Variants in PFKFB3 observed in about 807,000 individuals in gnomAD.
PFKFB3 encodes 6-phosphofructo-2-kinase/fructose-2,6-biphosphatase 3, also known as 6-phosphofructo-2-kinase/fructose-2,6-bisphosphatase 3.
PFKFB3 carries 33 observed loss-of-function variants against 68.0 expected under a neutral mutation model. The observed-to-expected ratio is 0.49, with a 90% CI of 0.37 to 0.65. The LOEUF (loss-of-function observed/expected upper bound fraction) is 0.65, where lower values mean the gene tolerates loss of function less well. PFKFB3 is among the 30% of genes least tolerant of loss of function. The pLI, the probability that PFKFB3 is intolerant of heterozygous loss-of-function variation, is 0.00. For synonymous variants in PFKFB3, 315 were observed against 288.2 expected (o/e 1.09, Z -0.94); for missense variants, 586 against 712.2 (o/e 0.82, Z 2.02).
rs1064895 is a variant in PFKFB3 at position 6,234,777 on chromosome 10, A to G, written c.*1835A>G. The G allele has an allele frequency of 6.6e-6, 1 of 152,272 alleles. No homozygotes were observed. The highest frequency in any genetic ancestry group is 2.1e-4 in the South Asian group (1 of 4,818). 9.4% of individuals were successfully genotyped at this position (152,272 alleles called of 1,614,324 possible). On this transcript the variant is annotated 3_prime_UTR_variant, in exon 15 of 15. Coordinates refer to ENST00000379775, the MANE Select transcript of PFKFB3 (RefSeq NM_004566.4). Reference sequence around the variant, plus strand: ...CCCTCGCAGGCCTCATTCTTTGAACATCGACTCTGAAGTTTGATACAGATA... The same window carrying G: ...CCCTCGCAGGCCTCATTCTTTGAACGTCGACTCTGAAGTTTGATACAGATA...
At chr10:6,168,349 C>T (rs642104) in intron 1 of PFKFB3, among the ~76,000 whole-genome samples, 30,769 of 152,194 alleles carry the variant, frequency 0.2, 3,560 homozygotes, top group Non-Finnish European at 0.26. Context: ...TGCCAGTGAG[C>T]GAGGCAGAAC....
At chr10:6,258,947 A>T (rs935827603), downstream of PFKFB3, among the ~76,000 whole-genome samples, 2 of 152,228 alleles carry the variant, frequency 1.3e-5, no homozygotes, top group African/African-American at 4.8e-5. Context: ...ACACTCTATC[A>T]TATATGGTGC....
chr10:6,243,448 G>A (rs1387417330), intron 14 of PFKFB3, among the ~76,000 whole-genome samples: 13 of 152,212 alleles, frequency 8.5e-5, no homozygotes, highest in Non-Finnish European at 2.9e-5. Flanking sequence ...CACAGTGTTC[G>A]CTTTGGAGAC....
chr10:6,268,269 G>A, the PFKFB3 span, among the ~76,000 whole-genome samples: 15 of 152,142 alleles, frequency 9.9e-5, no homozygotes, highest in Non-Finnish European at 1.0e-4. Flanking sequence ...CTTCTTTTTG[G>A]AGATTGCGTA....
chr10:6,177,823 A>G (rs1842573799), intron 1 of PFKFB3, among the ~76,000 whole-genome samples: 1 of 152,118 alleles, frequency 6.6e-6, no homozygotes, highest in Non-Finnish European at 1.5e-5. Context: ...GTGCCTGGCC[A>G]GGATGTTTCT....
the PFKFB3 span, among the ~76,000 whole-genome samples, chr10:6,286,614 A>G: frequency 6.7e-6 from 1 of 148,454 alleles, no homozygotes; most frequent in African/African-American, 2.5e-5. Context: ...CTGACCTCAC[A>G]TGATCTGCCC....
chr10:6,223,076 G>A, intron 11 of PFKFB3, 92 bp downstream of exon 11: 1 of 1,366,028 alleles, frequency 7.3e-7, no homozygotes, highest in South Asian at 1.4e-5. Context: ...GGCCTGCCCT[G>A]TGTTGGCTGC....
the PFKFB3 span, among the ~76,000 whole-genome samples, chr10:6,266,244 T>A: frequency 6.6e-6 from 1 of 152,188 alleles, no homozygotes; most frequent in Non-Finnish European, 1.5e-5. Context: ...TCCTATTATA[T>A]TTAATGAGTT....
chr10:6,225,076 G>C lies in PFKFB3; in HGVS notation c.1341+863G>C, dbSNP rs1845245415. 20 of 454,962 alleles carry C rather than the reference G, an allele frequency of 4.4e-5. 1 individual carries two copies. Among genetic ancestry groups the C allele is most frequent in the South Asian group, 2.9e-4 (19 of 64,476 alleles). 28.2% of individuals were successfully genotyped at this position (454,962 alleles called of 1,614,324 possible). ...GGGGAGGCCTGACATTTGGAGGTGG[G>C]CCAGGCTGCCTCTGACTGAGTAGAG... On this transcript the variant is annotated intron_variant, in intron 13 of 14. Coordinates refer to ENST00000379775, the MANE Select transcript of PFKFB3 (RefSeq NM_004566.4).
At chr10:6,172,783 C>G (rs1014334555) in intron 1 of PFKFB3, among the ~76,000 whole-genome samples, 1 of 151,682 alleles carries the variant, frequency 6.6e-6, no homozygotes, top group African/African-American at 2.4e-5. Flanking sequence ...GATTGTGCCA[C>G]TGCACTCCAG....
chr10:6,270,549 G>C, the PFKFB3 span, among the ~76,000 whole-genome samples: 1 of 152,128 alleles, frequency 6.6e-6, no homozygotes, highest in East Asian at 1.9e-4. Context: ...GGCCACAGAG[G>C]CTTTCTTGAA....
chr10:6,153,049 G>C (rs192513401), intron 1 of PFKFB3, among the ~76,000 whole-genome samples: 1 of 152,076 alleles, frequency 6.6e-6, no homozygotes, highest in Non-Finnish European at 1.5e-5. Flanking sequence ...GTGCATGGTG[G>C]TGGGTGTCTG....
intron 1 of PFKFB3, among the ~76,000 whole-genome samples, chr10:6,187,064 C>T (rs912466639): frequency 1.3e-5 from 2 of 151,632 alleles, no homozygotes; most frequent in African/African-American, 4.8e-5. Flanking sequence ...AAAGTTGTCT[C>T]GAAAGTGAAA....
chr10:6,210,366 T>TTTTTTTTTTTG (rs1844104919), intron 1 of PFKFB3, among the ~76,000 whole-genome samples: 1 of 86,296 alleles, frequency 1.2e-5, no homozygotes, highest in African/African-American at 3.2e-5. Context: ...GTTTTTTTGT[T>TTTTTTTTTTTG]TTTTTTTTTT....
chr10:6,205,383 T>C (rs1843613532), intron 1 of PFKFB3, among the ~76,000 whole-genome samples: 1 of 126,348 alleles, frequency 7.9e-6, no homozygotes, highest in East Asian at 2.5e-4. Context: ...GGTTTTTCTT[T>C]CTTCCTTTTT....
At chr10:6,239,798 C>T (rs552228697), downstream of PFKFB3, among the ~76,000 whole-genome samples, 3 of 152,254 alleles carry the variant, frequency 2.0e-5, no homozygotes, top group Non-Finnish European at 4.4e-5. Flanking sequence ...CTCAGCCTCC[C>T]GAGTAGCTGA....
At chr10:6,213,480 G>T in intron 1 of PFKFB3, 143 bp from the exon 2 acceptor site, 1 of 899,334 alleles carries the variant, frequency 1.1e-6, no homozygotes, top group Non-Finnish European at 1.7e-6. Flanking sequence ...GGTGGCCACC[G>T]TGCTCCCGCC....
chr10:6,200,763 G>C (rs1407111879), upstream of PFKFB3, among the ~76,000 whole-genome samples: 1 of 151,040 alleles, frequency 6.6e-6, no homozygotes, highest in Non-Finnish European at 1.5e-5. Context: ...GAAGAACATA[G>C]TCTTCCCTCT....
In PFKFB3 at chr10:6,233,627, G is replaced by C. The variant is rs531189229; in HGVS notation, c.*685G>C. The C allele has an allele frequency of 1.3e-5, 2 of 152,940 alleles. No individual in the cohort carries two copies. The highest frequency in any genetic ancestry group is 4.1e-4 in the South Asian group (2 of 4,832). 9.5% of individuals were successfully genotyped at this position (152,940 alleles called of 1,614,324 possible). On this transcript the variant is annotated 3_prime_UTR_variant, in exon 15 of 15. Coordinates refer to ENST00000379775, the MANE Select transcript of PFKFB3 (RefSeq NM_004566.4). Reference sequence around the variant, plus strand: ...GGCAGGCTGGCTGCACGGGGAGAGGGAAGTATTTTGCCGAAATATGAGAAC... The same window carrying C: ...GGCAGGCTGGCTGCACGGGGAGAGGCAAGTATTTTGCCGAAATATGAGAAC...
Sources: gnomAD v4.1 joint callset for allele counts (sites outside exome capture counted in the v4.1 genomes callset) on GRCh38, gnomAD v4.1.1 for gene constraint, MANE v1.5 for transcripts, NCBI Gene and HGNC (gene_info 2026-07-23, HGNC 2026-07-21) for gene names.